The following ULK4 variants were observed in gnomAD, a reference collection of about 807,000 sequenced individuals.
ULK4 encodes the protein unc-51 like kinase 4, also known as inactive serine/threonine-protein kinase ULK4.
In ULK4, 133 loss-of-function variants were observed where a neutral mutation model predicts 160.6. That is an observed-to-expected ratio of 0.83 (90% CI 0.72 to 0.96). The LOEUF (loss-of-function observed/expected upper bound fraction) is 0.96, where lower values mean the gene tolerates loss of function less well. Among genes scored for constraint, ULK4 ranks in the 40% least tolerant of loss-of-function variants. The pLI, the probability that ULK4 is intolerant of heterozygous loss-of-function variation, is 0.00. For synonymous variants in ULK4, 534 were observed against 539.8 expected, an observed-to-expected ratio of 0.99 and a Z score of 0.15; for missense variants, 1,580 against 1,499.5, an observed-to-expected ratio of 1.05 and a Z score of -0.89.
At chr3:41,481,517 C>G (rs1452076469) in intron 32 of ULK4, among the ~76,000 whole-genome samples, 3 of 152,156 alleles carry the variant, frequency 2.0e-5, no homozygotes, top group Non-Finnish European at 4.4e-5. Flanking sequence ...GTCCTGATAT[C>G]CCACTGTCTT....
chr3:41,909,950 G>A (rs1008771767), intron 11 of ULK4, among the ~76,000 whole-genome samples: 11 of 151,866 alleles, frequency 7.2e-5, no homozygotes, highest in Admixed American at 1.3e-4. Flanking sequence ...AGGCTGGAGC[G>A]CGATGGCGCG....
chr3:41,440,493 T>C (rs1404496476), intron 34 of ULK4, among the ~76,000 whole-genome samples: 1 of 152,176 alleles, frequency 6.6e-6, no homozygotes, highest in Non-Finnish European at 1.5e-5. Flanking sequence ...CAATCCTGCA[T>C]TACTGGGATA....
intron 22 of ULK4, among the ~76,000 whole-genome samples, chr3:41,747,251 C>A (rs562259854): frequency 2.6e-5 from 4 of 152,008 alleles, no homozygotes; most frequent in Admixed American, 6.5e-5. Context: ...AACCGTATAT[C>A]TGACAGTGGA....
intron 35 of ULK4, among the ~76,000 whole-genome samples, chr3:41,258,027 C>G (rs112139204): frequency 6.6e-6 from 1 of 152,072 alleles, no homozygotes; most frequent in East Asian, 1.9e-4. Context: ...TTTCAAGGGG[C>G]TCTGAAATGA....
intron 18 of ULK4, among the ~76,000 whole-genome samples, chr3:41,825,350 G>C (rs1459280016): frequency 2.6e-5 from 4 of 152,170 alleles, no homozygotes; most frequent in Admixed American, 2.0e-4. Flanking sequence ...GGCTTCAGAT[G>C]ATCAAACTAC....
intron 31 of ULK4, among the ~76,000 whole-genome samples, chr3:41,592,056 C>T (rs902624276): frequency 5.3e-5 from 8 of 152,138 alleles, no homozygotes; most frequent in African/African-American, 1.2e-4. Flanking sequence ...TCAGAAAAGC[C>T]GAGAGAACCC....
At chr3:41,676,014 A>G (rs993928382) in intron 29 of ULK4, among the ~76,000 whole-genome samples, 1 of 152,186 alleles carries the variant, frequency 6.6e-6, no homozygotes, top group Admixed American at 6.5e-5. Context: ...ATTTCTCTCC[A>G]GAGCCTCTAG....
chr3:41,565,938 A>T (rs1322487068), intron 32 of ULK4, 87 bp downstream of exon 32: 2 of 922,022 alleles, frequency 2.2e-6, no homozygotes, highest in Non-Finnish European at 3.2e-6. Flanking sequence ...CATCAACTTT[A>T]AGTGGTACTT....
At position 41,897,019 on chromosome 3, in the gene ULK4, A is replaced by T. The variant is rs1698183443; in HGVS notation, c.1349-16T>A. 2.5e-6 allele frequency: 4 copies of T among 1,591,880 alleles called. No individual in the cohort carries two copies. Among genetic ancestry groups the T allele is most frequent in the Non-Finnish European group, 3.4e-6 (4 of 1,167,150 alleles). ...AACTTATCCACTGCGATGGAAAGAA[A>T]ATAATAAAAGTACATATGATGAGAA... On this transcript the variant is annotated splice_polypyrimidine_tract_variant and intron_variant, in intron 14 of 36. Coordinates refer to ENST00000301831, the MANE Select transcript of ULK4 (RefSeq NM_017886.4).
intron 17 of ULK4, among the ~76,000 whole-genome samples, chr3:41,861,826 G>GT (rs2042503685): frequency 6.6e-6 from 1 of 151,886 alleles, no homozygotes; most frequent in Middle Eastern, 3.2e-3. Flanking sequence ...CGTGCTTCTT[G>GT]TTTTTTCTTT....
chr3:41,346,484 C>T (rs569806734), intron 35 of ULK4, among the ~76,000 whole-genome samples: 1 of 152,284 alleles, frequency 6.6e-6, no homozygotes, highest in Non-Finnish European at 1.5e-5. Flanking sequence ...GGCACTGGCT[C>T]AGTGCTCCCA....
At chr3:41,525,476 G>C (rs536054113) in intron 32 of ULK4, among the ~76,000 whole-genome samples, 1 of 152,302 alleles carries the variant, frequency 6.6e-6, no homozygotes, top group African/African-American at 2.4e-5. Context: ...GCCACAGGGA[G>C]CCACAGGCAG....
intron 25 of ULK4, among the ~76,000 whole-genome samples, chr3:41,713,193 A>G (rs2037161987): frequency 6.6e-6 from 1 of 152,218 alleles, no homozygotes; most frequent in African/African-American, 2.4e-5. Context: ...CTAATTTGCA[A>G]TGTACATTTC....
intron 32 of ULK4, among the ~76,000 whole-genome samples, chr3:41,465,101 C>A (rs1281137499): frequency 6.6e-6 from 1 of 152,176 alleles, no homozygotes; most frequent in Non-Finnish European, 1.5e-5. Flanking sequence ...TTCTTCACAA[C>A]AGTGATAACG....
intron 34 of ULK4, among the ~76,000 whole-genome samples, chr3:41,444,795 T>C (rs1005290616): frequency 6.6e-6 from 1 of 152,170 alleles, no homozygotes; most frequent in Admixed American, 6.5e-5. Context: ...CTGGCCAGTA[T>C]GGTGAAATCC....
At chr3:41,488,183 A>G (rs2084613749) in intron 32 of ULK4, among the ~76,000 whole-genome samples, 1 of 152,246 alleles carries the variant, frequency 6.6e-6, no homozygotes, top group South Asian at 2.1e-4. Context: ...TTTCTAGCAT[A>G]TATATTACAG....
At chr3:41,354,134 T>G (rs924097121) in intron 35 of ULK4, among the ~76,000 whole-genome samples, 1 of 152,142 alleles carries the variant, frequency 6.6e-6, no homozygotes, top group East Asian at 1.9e-4. Flanking sequence ...CACACATCAT[T>G]AGTGGAACCT....
intron 35 of ULK4, among the ~76,000 whole-genome samples, chr3:41,305,823 C>G (rs942910899): frequency 2.0e-5 from 3 of 150,530 alleles, no homozygotes; most frequent in Non-Finnish European, 4.4e-5. Flanking sequence ...AGGAGCGTCT[C>G]TGCCCGGCCG....
At chr3:41,813,072 G>C (rs1359430520) in intron 19 of ULK4, among the ~76,000 whole-genome samples, 1 of 152,122 alleles carries the variant, frequency 6.6e-6, no homozygotes, top group Non-Finnish European at 1.5e-5. Flanking sequence ...CTGACATCTG[G>C]CATATGCTGT....
Sources: gnomAD v4.1 joint callset for allele counts (sites outside exome capture counted in the v4.1 genomes callset) on GRCh38, gnomAD v4.1.1 for gene constraint, MANE v1.5 for transcripts, NCBI Gene and HGNC (gene_info 2026-07-23, HGNC 2026-07-21) for gene names.